The following RORA variants were observed in gnomAD, a reference collection of about 807,000 sequenced individuals.
RORA encodes the protein nuclear receptor ROR-alpha.
Under a neutral mutation model 69.5 loss-of-function variants are expected in RORA, and 7 were observed. The ratio of observed to expected loss-of-function variants is 0.10; its 90% CI spans 0.06 to 0.19. The LOEUF is 0.19. Ranked by LOEUF, RORA falls within the 10% of genes least tolerant of loss-of-function variation. The probability of loss-of-function intolerance (pLI) is 1.00; values close to 1 mark genes in which losing one functional copy is unlikely to be tolerated. For synonymous variants in RORA, 261 were observed against 240.8 expected (o/e 1.08, Z -0.78); for missense variants, 457 against 663.0 (o/e 0.69, Z 3.41).
intron 1 of RORA, among the ~76,000 whole-genome samples, chr15:60,807,991 A>C (rs1379931302): frequency 1.3e-5 from 2 of 152,212 alleles, no homozygotes; most frequent in Admixed American, 6.5e-5. Flanking sequence ...AACATCAGAA[A>C]AACCCTTCTA....
At position 61,087,231 on chromosome 15, in the gene RORA, A is replaced by G. The variant is rs191463272; in HGVS notation, c.166+141822T>C. 2.8e-3 allele frequency among the ~76,000 whole-genome samples: 423 copies of G among 152,340 alleles called. 4 individuals are homozygous for G. The highest frequency in any genetic ancestry group is 6.6e-4 in the Non-Finnish European group (45 of 68,028). The stretch of plus-strand genomic sequence containing the variant: ...ATATTTACTATCTAGCCCTACACAG[A>G]AAAAATACTGGTTTAAATAACAGAA... On this transcript the variant is annotated intron_variant, in intron 1 of 10. Transcript: ENST00000335670.
intron 1 of RORA, among the ~76,000 whole-genome samples, chr15:61,100,519 C>G (rs2078864032): frequency 6.6e-6 from 1 of 152,172 alleles, no homozygotes; most frequent in Non-Finnish European, 1.5e-5. Context: ...GTGTGCCCTT[C>G]TCCACTTCAG....
intron 1 of RORA, among the ~76,000 whole-genome samples, chr15:61,116,071 A>C (rs1012540375): frequency 1.2e-4 from 19 of 152,158 alleles, no homozygotes; most frequent in Admixed American, 1.2e-3. Flanking sequence ...AGCACTTAAA[A>C]AAACAAACAA....
At chr15:61,092,064 G>A (rs974110989) in intron 1 of RORA, among the ~76,000 whole-genome samples, 3 of 152,210 alleles carry the variant, frequency 2.0e-5, no homozygotes, top group African/African-American at 4.8e-5. Context: ...TAATGGAAAA[G>A]CCAGTCCTCT....
At chr15:60,823,653 C>G (rs2072922479) in intron 1 of RORA, among the ~76,000 whole-genome samples, 1 of 152,162 alleles carries the variant, frequency 6.6e-6, no homozygotes, top group Non-Finnish European at 1.5e-5. Context: ...AGACAGAACA[C>G]AAGCATATGT....
intron 1 of RORA, among the ~76,000 whole-genome samples, chr15:61,201,419 A>G (rs1054332824): frequency 1.3e-5 from 2 of 152,252 alleles, no homozygotes; most frequent in Non-Finnish European, 2.9e-5. Flanking sequence ...CAACACAATC[A>G]TGCTCTAAGC....
intron 1 of RORA, among the ~76,000 whole-genome samples, chr15:61,149,432 C>A (rs956295895): frequency 1.3e-5 from 2 of 152,030 alleles, no homozygotes; most frequent in African/African-American, 2.4e-5. Flanking sequence ...AACCCCACCA[C>A]CACTACTAGA....
chr15:60,590,175 A>G (rs1647984), intron 2 of RORA, among the ~76,000 whole-genome samples: 1 of 146,712 alleles, frequency 6.8e-6, no homozygotes, highest in Non-Finnish European at 1.5e-5. Context: ...CTCTTCCTCT[A>G]TCTCTCTCTC....
chr15:60,831,905 T>TG (rs2073047453), intron 1 of RORA, among the ~76,000 whole-genome samples: 1 of 152,094 alleles, frequency 6.6e-6, no homozygotes, highest in Admixed American at 6.5e-5. Flanking sequence ...CCTCCTAAAT[T>TG]GGGAAAAAGG....
intron 1 of RORA, among the ~76,000 whole-genome samples, chr15:60,787,332 G>A (rs2072350263): frequency 1.3e-5 from 2 of 152,296 alleles, no homozygotes; most frequent in South Asian, 2.1e-4. Flanking sequence ...TGTTTGGAAA[G>A]GTTGTACCCG....
At chr15:60,852,517 A>T (rs2073337431) in intron 1 of RORA, among the ~76,000 whole-genome samples, 1 of 152,240 alleles carries the variant, frequency 6.6e-6, no homozygotes, top group African/African-American at 2.4e-5. Context: ...AGGTCCTGGC[A>T]CACCGTAGGT....
chr15:61,215,273 G>A (rs2080030490), intron 1 of RORA, among the ~76,000 whole-genome samples: 1 of 152,068 alleles, frequency 6.6e-6, no homozygotes, highest in Non-Finnish European at 1.5e-5. Flanking sequence ...TAGGGTTCAT[G>A]TGTGACTTAA....
At chr15:61,023,552 TA>T in intron 1 of RORA, among the ~76,000 whole-genome samples, 1 of 152,126 alleles carries the variant, frequency 6.6e-6, no homozygotes. Flanking sequence ...GAGATTTGGG[TA>T]GGGACACAGA....
At chr15:61,079,456 T>A (rs1022488079) in intron 1 of RORA, among the ~76,000 whole-genome samples, 3 of 152,202 alleles carry the variant, frequency 2.0e-5, no homozygotes, top group African/African-American at 7.2e-5. Context: ...CTCTCACTCT[T>A]AACCAGTCAC....
chr15:61,120,208 T>C (rs2079089710), intron 1 of RORA, among the ~76,000 whole-genome samples: 1 of 152,104 alleles, frequency 6.6e-6, no homozygotes, highest in Admixed American at 6.5e-5. Context: ...TGTAAAAATT[T>C]ATTAGGCCAT....
In RORA at chr15:61,068,844, G is replaced by A. The variant is rs193186208; in HGVS notation, c.166+160209C>T. Among the ~76,000 whole-genome samples, 3 of 152,324 alleles carry A rather than the reference G, an allele frequency of 2.0e-5. No individual in the cohort carries two copies. In the East Asian group the frequency reaches 5.8e-4, roughly 29 times the overall value. ...AGTTAAAACCATTTCTCCACTCAGT[G>A]AGATGCAGAAACAAGTACTCTTGAA... On this transcript the variant is annotated intron_variant, in intron 1 of 10. Transcript: ENST00000335670.
chr15:60,503,484 G>C (rs368718945), intron 7 of RORA, 51 bp downstream of exon 7: 1 of 1,591,132 alleles, frequency 6.3e-7, no homozygotes, highest in South Asian at 1.1e-5. Flanking sequence ...TTAATAAGCG[G>C]GTGAAAGCAG....
At chr15:60,947,457 G>A (rs937976807) in intron 1 of RORA, among the ~76,000 whole-genome samples, 1 of 151,934 alleles carries the variant, frequency 6.6e-6, no homozygotes, top group Non-Finnish European at 1.5e-5. Context: ...TAAGGGCGGT[G>A]CAAGATGTGC....
intron 1 of RORA, among the ~76,000 whole-genome samples, chr15:60,900,289 G>A (rs111346207): frequency 2.4e-4 from 35 of 144,786 alleles, no homozygotes; most frequent in African/African-American, 7.1e-4. Context: ...ATTTCGGTAC[G>A]CACACAAAAT....
Sources: allele counts gnomAD v4.1 joint callset (sites outside exome capture counted in the v4.1 genomes callset), GRCh38; gene constraint gnomAD v4.1.1; transcripts MANE v1.5; gene names NCBI Gene and HGNC (gene_info 2026-07-23, HGNC 2026-07-21).